BIRC6: variants seen among roughly 807,000 people sequenced by gnomAD.
The protein encoded by BIRC6 is dual E2 ubiquitin-conjugating enzyme/E3 ubiquitin-protein ligase BIRC6.
Under a neutral mutation model 503.3 loss-of-function variants are expected in BIRC6, and 98 were observed. The observed-to-expected ratio is 0.19, with a 90% CI of 0.17 to 0.23. BIRC6 has a LOEUF of 0.23. BIRC6 is among the 10% of genes least tolerant of loss of function. The pLI, the probability that BIRC6 is intolerant of heterozygous loss-of-function variation, is 1.00. For synonymous variants in BIRC6, 2,240 were observed against 2,078.7 expected, an observed-to-expected ratio of 1.08 and a Z score of -2.11; for missense variants, 5,360 against 5,806.0, an observed-to-expected ratio of 0.92 and a Z score of 2.50.
In BIRC6 at chr2:32,388,822, A is replaced by G. The variant is rs1308666571; in HGVS notation, c.718A>G (p.Lys240Glu). The G allele has an allele frequency of 6.2e-7, 1 of 1,613,356 alleles. No homozygotes were observed. Among genetic ancestry groups the G allele is most frequent in the East Asian group, 2.2e-5 (1 of 44,882 alleles). ...SIASAIVNEL[K>E]KINQNVAALP... ...TGCCAGTGCCATTGTAAATGAACTC[A>G]AGAAAATAAATCAAAATGTTGCTGC... Residue 240 changes from lysine to glutamate, a missense_variant, in exon 4 of 74, where the codon AAG becomes GAG. Transcript: ENST00000421745.
At chr2:32,605,916 A>G (rs2062418230) in intron 71 of BIRC6, among the ~76,000 whole-genome samples, 1 of 152,304 alleles carries the variant, frequency 6.6e-6, no homozygotes, top group South Asian at 2.1e-4. Context: ...AATAATATGA[A>G]TTAAAGTTTT....
intron 66 of BIRC6, among the ~76,000 whole-genome samples, chr2:32,577,872 G>A (rs2060366186): frequency 1.3e-5 from 2 of 151,926 alleles, no homozygotes; most frequent in South Asian, 4.1e-4. Context: ...TTATTCTTCA[G>A]CCAGAGAACA....
intron 10 of BIRC6, among the ~76,000 whole-genome samples, chr2:32,426,047 C>T (rs915466543): frequency 1.3e-5 from 2 of 152,184 alleles, no homozygotes; most frequent in Admixed American, 6.5e-5. Context: ...ATAGTTGATT[C>T]CAATCATACT....
intron 65 of BIRC6, among the ~76,000 whole-genome samples, chr2:32,554,676 C>A (rs1305878601): frequency 1.3e-5 from 2 of 151,982 alleles, no homozygotes; most frequent in Non-Finnish European, 2.9e-5. Flanking sequence ...TATAATGTGT[C>A]AAAACCCATT....
chr2:32,464,971 A>G (rs1316866592), intron 25 of BIRC6, 94 bp from the exon 26 acceptor site: 1 of 1,310,026 alleles, frequency 7.6e-7, no homozygotes, highest in Non-Finnish European at 1.0e-6. Context: ...CATTAAGAGA[A>G]GAAACTTATT....
intron 1 of BIRC6, among the ~76,000 whole-genome samples, chr2:32,365,196 C>T (rs1414162386): frequency 6.6e-6 from 1 of 152,132 alleles, no homozygotes; most frequent in East Asian, 1.9e-4. Flanking sequence ...CAGGTGTGAC[C>T]TTATGCAAAC....
intron 72 of BIRC6, among the ~76,000 whole-genome samples, chr2:32,610,290 T>C (rs17443372): frequency 0.01 from 1,569 of 152,354 alleles, 17 homozygotes; most frequent in Middle Eastern, 0.051. Flanking sequence ...TTGATAATTG[T>C]TTTCTAATTT....
intron 73 of BIRC6, among the ~76,000 whole-genome samples, chr2:32,614,686 G>T (rs2063120808): frequency 6.6e-6 from 1 of 152,142 alleles, no homozygotes; most frequent in African/African-American, 2.4e-5. Flanking sequence ...ACAAAAATTA[G>T]TCAAGTGTGG....
intron 49 of BIRC6, 26 bp downstream of exon 49, chr2:32,503,262 C>G: frequency 1.3e-6 from 2 of 1,558,292 alleles, no homozygotes; most frequent in Non-Finnish European, 8.7e-7. Flanking sequence ...CTAAATCTTA[C>G]TTATGTGAAA....
chr2:32,422,368 T>C (rs1225289607), intron 10 of BIRC6, among the ~76,000 whole-genome samples: 1 of 152,226 alleles, frequency 6.6e-6, no homozygotes, highest in African/African-American at 2.4e-5. Flanking sequence ...TGCATTCTTT[T>C]GTGTTGAATA....
chr2:32,565,014 G>C (rs549479681), intron 65 of BIRC6: 1 of 152,150 alleles, frequency 6.6e-6, no homozygotes, highest in Non-Finnish European at 1.5e-5. Context: ...TTGAATAAAC[G>C]TTTCTTCATT....
At chr2:32,565,930 T>G (rs978717771) in intron 65 of BIRC6, 2 of 152,192 alleles carry the variant, frequency 1.3e-5, no homozygotes, top group African/African-American at 4.8e-5. Flanking sequence ...CCCACTGGGT[T>G]CCTCCCATGA....
intron 66 of BIRC6, among the ~76,000 whole-genome samples, chr2:32,586,319 T>C (rs2061021277): frequency 1.3e-5 from 2 of 151,810 alleles, no homozygotes; most frequent in African/African-American, 2.4e-5. Context: ...GCATAACATA[T>C]TAGTATAAAA....
chr2:32,545,169 T>G (rs1483602743), intron 62 of BIRC6, among the ~76,000 whole-genome samples: 1 of 152,200 alleles, frequency 6.6e-6, no homozygotes, highest in Non-Finnish European at 1.5e-5. Flanking sequence ...GTACCATCCA[T>G]GTAGCATTGC....
At position 32,387,423 on chromosome 2, in the gene BIRC6, C is replaced by T. The variant is rs530626570; in HGVS notation, c.646-1327C>T. On this transcript the variant is annotated intron_variant, in intron 3 of 73. Transcript: ENST00000421745. Reference sequence around the variant, plus strand: ...GAGTATACTAGACAAGAGTAGAAACCATTCATGGGTGAACTGGGGACAGGA... The same window carrying T: ...GAGTATACTAGACAAGAGTAGAAACTATTCATGGGTGAACTGGGGACAGGA... Among the ~76,000 whole-genome samples the T allele has an allele frequency of 2.9e-4, 44 of 151,336 alleles. No individual in the cohort carries two copies. In the South Asian group the frequency reaches 8.6e-3, roughly 29 times the overall value.
chr2:32,405,387 A>C (rs1182888673), intron 8 of BIRC6, among the ~76,000 whole-genome samples: 2 of 152,232 alleles, frequency 1.3e-5, no homozygotes, highest in Admixed American at 1.3e-4. Flanking sequence ...TAAAACAGAG[A>C]AACTTTTTCA....
chr2:32,424,260 T>C (rs2043235351), intron 10 of BIRC6, among the ~76,000 whole-genome samples: 1 of 151,918 alleles, frequency 6.6e-6, no homozygotes, highest in Admixed American at 6.6e-5. Context: ...AATATATATA[T>C]ATGAAAAAAC....
chr2:32,481,190 A>G, intron 37 of BIRC6, 130 bp from the exon 38 acceptor site: 3 of 759,346 alleles, frequency 4.0e-6, no homozygotes, highest in Non-Finnish European at 4.0e-6. Context: ...AAATGTTTGC[A>G]TACATAGAGT....
chr2:32,413,710 A>C (rs1208280504), intron 9 of BIRC6, among the ~76,000 whole-genome samples: 1 of 151,798 alleles, frequency 6.6e-6, no homozygotes, highest in Non-Finnish European at 1.5e-5. Flanking sequence ...GAAAAAAAAA[A>C]AAAAGAAAAA....
Sources: gnomAD v4.1 joint callset for allele counts (sites outside exome capture counted in the v4.1 genomes callset) on GRCh38, gnomAD v4.1.1 for gene constraint, MANE v1.5 for transcripts, NCBI Gene and HGNC (gene_info 2026-07-23, HGNC 2026-07-21) for gene names.